The following KLHL22 variants were observed in gnomAD, a reference collection of about 807,000 sequenced individuals.
The protein encoded by KLHL22 is kelch like family member 22, also known as kelch-like protein 22.
KLHL22 carries 18 observed loss-of-function variants against 60.7 expected under a neutral mutation model. The observed-to-expected ratio is 0.30, with a 90% CI of 0.20 to 0.44. The LOEUF is 0.44. Ranked by LOEUF, KLHL22 falls within the 20% of genes least tolerant of loss-of-function variation. The pLI is 1.00. For missense variants in KLHL22, 596 were observed against 852.3 expected, an observed-to-expected ratio of 0.70 and a Z score of 3.74; for synonymous variants, 355 against 354.5, an observed-to-expected ratio of 1.00 and a Z score of -0.01.
chr22:20,477,165 G>A (rs1285209120), intron 2 of KLHL22, among the ~76,000 whole-genome samples: 1 of 151,706 alleles, frequency 6.6e-6, no homozygotes, highest in African/African-American at 2.4e-5. Flanking sequence ...GGCCGAGGTG[G>A]GCAGATCACT....
chr22:20,488,268 G>A (rs910605596), intron 2 of KLHL22, among the ~76,000 whole-genome samples: 2 of 152,172 alleles, frequency 1.3e-5, no homozygotes, highest in Admixed American at 6.5e-5. Flanking sequence ...TGGGGACCAC[G>A]AGTGGCCCTC....
Position 20,442,416 on chromosome 22 carries a change from G to T in KLHL22, c.1562C>A (p.Ser521Tyr). ...TGGGCAGACAGATGACCACTGTCCA[G>T]ACGTGCAGCTGTAGCAGGCCACCTG... ...VHQVACYSCT[S>Y]GQWSSVCPLP... The change falls in exon 7 of 7, where the codon TCT (serine) becomes TAT (tyrosine). Residue 521 changes from serine (S) to tyrosine (Y), a missense_variant. Transcript: ENST00000328879. 1 of 1,602,254 alleles carries T rather than the reference G, an allele frequency of 6.2e-7. No homozygotes were observed. The highest frequency in any genetic ancestry group is 1.1e-5 in the South Asian group (1 of 89,978).
At chr22:20,483,157 C>G in intron 2 of KLHL22, 1 of 632,120 alleles carries the variant, frequency 1.6e-6, no homozygotes, top group Non-Finnish European at 2.9e-6. Context: ...ACAAGCTGGC[C>G]TTCAGATTTC....
At chr22:20,477,705 C>T (rs932926132) in intron 2 of KLHL22, among the ~76,000 whole-genome samples, 5 of 152,310 alleles carry the variant, frequency 3.3e-5, no homozygotes, top group African/African-American at 1.2e-4. Context: ...AAAATCTGAA[C>T]GTGGACTCAA....
intron 5 of KLHL22, chr22:20,450,260 T>A: frequency 3.5e-6 from 3 of 866,736 alleles, no homozygotes; most frequent in Middle Eastern, 2.2e-4. Flanking sequence ...TTCCTGCCCA[T>A]GAGATTGTGC....
At chr22:20,451,918 A>G (rs991133001) in intron 5 of KLHL22, 1 of 1,129,826 alleles carries the variant, frequency 8.9e-7, no homozygotes, top group Non-Finnish European at 1.3e-6. Flanking sequence ...GTTTCTCACT[A>G]TGTGCACAGG....
chr22:20,486,994 A>G (rs2053597278), intron 2 of KLHL22, among the ~76,000 whole-genome samples: 1 of 151,610 alleles, frequency 6.6e-6, no homozygotes, highest in South Asian at 2.1e-4. Context: ...TTCTAGGCTC[A>G]CTGCAACCTC....
chr22:20,459,234 A>G lies in KLHL22; in HGVS notation c.1113-1234T>C, dbSNP rs757381350. 3.5e-4 allele frequency among the ~76,000 whole-genome samples: 53 copies of G among 152,232 alleles called. 1 individual carries two copies. Among genetic ancestry groups the G allele is most frequent in the Non-Finnish European group, 5.9e-5 (4 of 68,044 alleles). On this transcript the variant is annotated intron_variant, in intron 4 of 6. Transcript: ENST00000328879. ...TCTAACTTCAACTGGCTCACAAGAG[A>G]GTAACCAAAGTTTTCTTTGGCCTGT...
Position 20,491,986 on chromosome 22 carries a change from A to T in KLHL22, c.-33-2742T>A, listed in dbSNP as rs1261988312. The T allele has an allele frequency of 2.0e-5, 3 of 151,410 alleles. No homozygotes were observed. In the East Asian group the frequency reaches 5.9e-4, roughly 30 times the overall value. The allele number at this position is 151,410 out of a possible 1,614,324, so 9.4% of individuals were successfully genotyped here. ...CAGCCAAGGTGTATACCCCATGACC[A>T]CCTCTCACTTAGGATTCTCTTGCCT... On this transcript the variant is annotated intron_variant, in intron 1 of 6. Transcript: ENST00000328879.
chr22:20,460,955 T>C (rs1337234106), intron 4 of KLHL22, among the ~76,000 whole-genome samples: 3 of 152,218 alleles, frequency 2.0e-5, no homozygotes, highest in Non-Finnish European at 4.4e-5. Flanking sequence ...GATCAGGTCA[T>C]GAGGGTGGAG....
In KLHL22 at chr22:20,465,737, G is replaced by A. The variant is rs1321061929; in HGVS notation, c.394-161C>T. 1.9e-5 allele frequency: 12 copies of A among 623,848 alleles called. No individual in the cohort carries two copies. Among genetic ancestry groups the A allele is most frequent in the Admixed American group, 2.7e-5 (1 of 37,062 alleles). 38.6% of individuals were successfully genotyped at this position (623,848 alleles called of 1,614,324 possible). A position where few individuals can be genotyped will look rare whatever the true frequency, so the allele number is the denominator to read the frequency against. ...CCTTTTCTGACACACTGGAGACTGGGGCTTACTGCAGACTAGGTTTAAGTC... is the reference window on the plus strand; with the variant it reads ...CCTTTTCTGACACACTGGAGACTGGAGCTTACTGCAGACTAGGTTTAAGTC... On this transcript the variant is annotated intron_variant, in intron 3 of 6. Coordinates refer to ENST00000328879, the MANE Select transcript of KLHL22 (RefSeq NM_032775.4). This position sits in a 1 kb window ranked among gnomAD's most constrained non-coding sequence, Gnocchi z 4.9.
rs1411918149 is a variant in KLHL22, at chr22:20,468,853, G to A, written c.393+2497C>T. Among the ~76,000 whole-genome samples, 11 of 152,114 alleles carry A rather than the reference G, an allele frequency of 7.2e-5. 1 individual carries two copies. The South Asian group carries it at 1.2e-3, about 17-fold the overall frequency. ...TTTAAAGTGCTTCTGTAGAGGTCTC[G>A]CTTTGTTGCCCAGGCTGATCTCAAA... is the stretch of plus-strand genomic sequence containing the variant. On this transcript the variant is annotated intron_variant, in intron 3 of 6. Coordinates refer to ENST00000328879, the MANE Select transcript of KLHL22 (RefSeq NM_032775.4).
intron 5 of KLHL22, among the ~76,000 whole-genome samples, chr22:20,453,633 C>A (rs2053015064): frequency 6.6e-6 from 1 of 152,136 alleles, no homozygotes; most frequent in Non-Finnish European, 1.5e-5. Flanking sequence ...TATTCTAGTT[C>A]CTTTGCCTTT....
chr22:20,453,488 T>C (rs1485130670), intron 5 of KLHL22, among the ~76,000 whole-genome samples: 2 of 152,170 alleles, frequency 1.3e-5, no homozygotes, highest in Non-Finnish European at 2.9e-5. Flanking sequence ...GTCTGTGGGT[T>C]TTCCATTCTG....
At chr22:20,488,899 C>T in intron 2 of KLHL22, 86 bp downstream of exon 2, 1 of 1,322,840 alleles carries the variant, frequency 7.6e-7, no homozygotes, top group South Asian at 1.4e-5. Flanking sequence ...GAGCAGGAGA[C>T]CAGCCACTGT....
chr22:20,479,371 T>C (rs1293790068), intron 2 of KLHL22, among the ~76,000 whole-genome samples: 1 of 152,136 alleles, frequency 6.6e-6, no homozygotes, highest in African/African-American at 2.4e-5. Flanking sequence ...GGATGACCAC[T>C]ATAAAAAAAC....
At chr22:20,490,117 A>T (rs2053659397) in intron 1 of KLHL22, among the ~76,000 whole-genome samples, 1 of 152,204 alleles carries the variant, frequency 6.6e-6, no homozygotes. Context: ...ACTGTGAGGC[A>T]TGGCCAAGCT....
intron 6 of KLHL22, among the ~76,000 whole-genome samples, chr22:20,444,499 G>A (rs1183732203): frequency 2.6e-5 from 4 of 152,090 alleles, no homozygotes; most frequent in Non-Finnish European, 5.9e-5. Context: ...CCCACCCTCA[G>A]GGCTTCCGAA....
intron 1 of KLHL22, chr22:20,491,654 G>A (rs1402717311): frequency 6.6e-6 from 1 of 152,130 alleles, no homozygotes; most frequent in Non-Finnish European, 1.5e-5. Context: ...CATGTGGTCT[G>A]GTCTGTCATT....
Sources: gnomAD v4.1 joint callset for allele counts (sites outside exome capture counted in the v4.1 genomes callset) on GRCh38, gnomAD v4.1.1 for gene constraint, Gnocchi (gnomAD v3.1) non-coding constraint, MANE v1.5 for transcripts, NCBI Gene and HGNC (gene_info 2026-07-23, HGNC 2026-07-21) for gene names.